KIF16B: variants seen among roughly 807,000 people sequenced by gnomAD.
KIF16B encodes kinesin-like protein KIF16B.
In KIF16B, 98 loss-of-function variants were observed where a neutral mutation model predicts 156.3. That is an observed-to-expected ratio of 0.63 (90% CI 0.53 to 0.74). KIF16B has a LOEUF of 0.74. Ranked by LOEUF, KIF16B falls within the 30% of genes least tolerant of loss-of-function variation. The pLI is 0.00. For missense variants in KIF16B, 1,421 were observed against 1,606.5 expected (o/e 0.88, Z 1.97); for synonymous variants, 564 against 583.7 (o/e 0.97, Z 0.49).
chr20:16,538,424 T>C (rs1026915628), intron 1 of KIF16B, among the ~76,000 whole-genome samples: 1 of 152,110 alleles, frequency 6.6e-6, no homozygotes. Flanking sequence ...TAGGGAAAAA[T>C]GAACTATGCC....
chr20:16,501,816 C>G (rs941863256), intron 10 of KIF16B, among the ~76,000 whole-genome samples: 1 of 151,948 alleles, frequency 6.6e-6, no homozygotes, highest in Admixed American at 6.6e-5. Flanking sequence ...ACTAACAAAG[C>G]CTGTAGAGGT....
intron 1 of KIF16B, among the ~76,000 whole-genome samples, chr20:16,569,401 G>A (rs141478643): frequency 6.6e-6 from 1 of 152,294 alleles, no homozygotes; most frequent in East Asian, 1.9e-4. Flanking sequence ...CTCAATAAAG[G>A]TGGCTACCAT....
intron 17 of KIF16B, among the ~76,000 whole-genome samples, chr20:16,394,029 T>C (rs748343883): frequency 5.9e-5 from 9 of 152,240 alleles, no homozygotes; most frequent in Non-Finnish European, 1.0e-4. Context: ...CAAGTTAATA[T>C]GTTACTGCCA....
chr20:16,374,007 G>A (rs955974860), intron 20 of KIF16B, among the ~76,000 whole-genome samples: 1 of 152,158 alleles, frequency 6.6e-6, no homozygotes, highest in Non-Finnish European at 1.5e-5. Flanking sequence ...AGATATCAAG[G>A]GACAACTGTA....
chr20:16,332,924 T>C (rs951730087), intron 24 of KIF16B, among the ~76,000 whole-genome samples: 2 of 152,172 alleles, frequency 1.3e-5, no homozygotes, highest in African/African-American at 4.8e-5. Flanking sequence ...CTAAAAAGAA[T>C]TCTGGATTTG....
chr20:16,531,270 AAAAG>A (rs2069737299), intron 1 of KIF16B, among the ~76,000 whole-genome samples: 1 of 152,238 alleles, frequency 6.6e-6, no homozygotes, highest in Admixed American at 6.5e-5. Context: ...GAAAACTGTT[AAAAG>A]AAAGAATCAA....
intron 1 of KIF16B, among the ~76,000 whole-genome samples, chr20:16,567,818 G>A (rs917409583): frequency 6.6e-6 from 1 of 152,130 alleles, no homozygotes; most frequent in Non-Finnish European, 1.5e-5. Context: ...CGGGCGTGGT[G>A]GCGGGCGCCT....
chr20:16,364,438 T>C (rs2064615655), intron 22 of KIF16B, among the ~76,000 whole-genome samples: 1 of 152,230 alleles, frequency 6.6e-6, no homozygotes, highest in African/African-American at 2.4e-5. Flanking sequence ...CAGAAACTCA[T>C]TACAGCCGAG....
chr20:16,527,921 T>G (rs1410660485), intron 2 of KIF16B, among the ~76,000 whole-genome samples: 1 of 152,214 alleles, frequency 6.6e-6, no homozygotes, highest in Non-Finnish European at 1.5e-5. Context: ...TTGGTGGTTT[T>G]TTTTAATCTT....
intron 25 of KIF16B, among the ~76,000 whole-genome samples, chr20:16,305,814 A>AT (rs1474362516): frequency 6.6e-6 from 1 of 152,156 alleles, no homozygotes; most frequent in African/African-American, 2.4e-5. Flanking sequence ...ACTTAACATA[A>AT]TGACCTCCAG....
intron 1 of KIF16B, among the ~76,000 whole-genome samples, chr20:16,541,251 C>A (rs1239608613): frequency 1.3e-5 from 2 of 152,224 alleles, no homozygotes; most frequent in African/African-American, 4.8e-5. Flanking sequence ...ACCCAGGGAA[C>A]ACAGATAGTA....
At position 16,273,163 on chromosome 20, in the gene KIF16B, C is replaced by T. The variant is rs773993965; in HGVS notation, c.*90G>A. 1.1e-5 allele frequency: 12 copies of T among 1,140,280 alleles called. No homozygotes were observed. Among genetic ancestry groups the T allele is most frequent in the Non-Finnish European group, 1.3e-5 (10 of 766,788 alleles). The allele number at this position is 1,140,280 out of a possible 1,614,324, so 70.6% of individuals were successfully genotyped here. On this transcript the variant is annotated 3_prime_UTR_variant, in exon 26 of 26. Coordinates refer to ENST00000354981, the MANE Select transcript of KIF16B (RefSeq NM_024704.5). ...TCTGTCTTCAGCAGGAGGAGGCAGA[C>T]CCGGATCCTCGCATGGGGGAGCTGC...
At chr20:16,462,399 C>T (rs2067372201) in intron 12 of KIF16B, among the ~76,000 whole-genome samples, 1 of 152,194 alleles carries the variant, frequency 6.6e-6, no homozygotes, top group Admixed American at 6.5e-5. Context: ...GCTACCCATG[C>T]TAAATTTTCT....
At chr20:16,325,440 T>C (rs747525107) in intron 24 of KIF16B, among the ~76,000 whole-genome samples, 6 of 151,734 alleles carry the variant, frequency 4.0e-5, no homozygotes, top group Non-Finnish European at 8.8e-5. Context: ...ATCTGATAAA[T>C]GAATTCAGTA....
intron 12 of KIF16B, among the ~76,000 whole-genome samples, chr20:16,484,972 T>C (rs988976693): frequency 6.6e-6 from 1 of 152,212 alleles, no homozygotes; most frequent in Non-Finnish European, 1.5e-5. Context: ...CTGCCTGTAC[T>C]CATTCCTTTG....
intron 17 of KIF16B, among the ~76,000 whole-genome samples, chr20:16,394,482 C>T (rs1265578143): frequency 6.6e-6 from 1 of 152,182 alleles, no homozygotes; most frequent in Admixed American, 6.5e-5. Flanking sequence ...TTAAGGCAAT[C>T]TATAGCCAAC....
chr20:16,363,965 G>T lies in KIF16B; in HGVS notation c.3498+6621C>A, dbSNP rs145981714. ...AATTGTGTAACTAAATTAACAAAAT[G>T]ACCTCATTAGAAACTGGTCTATCCA... On this transcript the variant is annotated intron_variant, in intron 22 of 25. Transcript: ENST00000354981. Among the ~76,000 whole-genome samples, 310 of 152,278 alleles carry T rather than the reference G, an allele frequency of 2.0e-3. 2 individuals are homozygous for T. The highest frequency in any genetic ancestry group is 6.9e-3 in the African/African-American group (286 of 41,556).
At chr20:16,349,291 C>T (rs1255280423) in intron 23 of KIF16B, among the ~76,000 whole-genome samples, 3 of 152,224 alleles carry the variant, frequency 2.0e-5, no homozygotes, top group East Asian at 1.9e-4. Context: ...CCACCTACCC[C>T]TCCTTCCTCT....
chr20:16,532,685 C>CT (rs35016900), intron 1 of KIF16B, among the ~76,000 whole-genome samples: 5,537 of 152,306 alleles, frequency 0.036, 139 homozygotes, highest in Middle Eastern at 0.061. Flanking sequence ...CAATCAATCA[C>CT]TAACCTAATG....
Sources: gnomAD v4.1 joint callset for allele counts (sites outside exome capture counted in the v4.1 genomes callset) on GRCh38, gnomAD v4.1.1 for gene constraint, MANE v1.5 for transcripts, NCBI Gene and HGNC (gene_info 2026-07-23, HGNC 2026-07-21) for gene names.